The following SLC22A16 variants were observed in gnomAD, a reference collection of about 807,000 sequenced individuals.
SLC22A16 encodes the protein solute carrier family 22 member 16.
A neutral mutation model predicts 52.9 loss-of-function variants in SLC22A16; 53 were observed. That is an observed-to-expected ratio of 1.00 (90% confidence interval 0.80 to 1.26). The LOEUF is 1.26. Ranked by LOEUF, SLC22A16 falls within the 50% of genes most tolerant of loss-of-function variation. The pLI is 0.00. For synonymous variants in SLC22A16, 291 were observed against 268.8 expected (o/e 1.08, Z -0.81); for missense variants, 726 against 704.0 (o/e 1.03, Z -0.35).
intron 1 of SLC22A16, among the ~76,000 whole-genome samples, chr6:110,462,795 G>T (rs1462157266): frequency 1.3e-5 from 2 of 152,022 alleles, no homozygotes; most frequent in African/African-American, 4.8e-5. Flanking sequence ...TACTATAAAA[G>T]ATGAATGTCA....
In SLC22A16 at chr6:110,438,798, C is replaced by T. The variant is rs773355498; in HGVS notation, c.1233G>A (p.Lys411=). 4 of 1,614,164 alleles carry T rather than the reference C, an allele frequency of 2.5e-6. No individual in the cohort carries two copies. The highest frequency in any genetic ancestry group is 8.5e-7 in the Non-Finnish European group (1 of 1,180,020). Residue 411 remains lysine (K), a synonymous_variant, in exon 5 of 8, where the codon AAG becomes AAA. Coordinates refer to ENST00000368919, the MANE Select transcript of SLC22A16 (RefSeq NM_033125.4). The part of the protein sequence containing the change: ...AYTFVCIAMD[K]VGRRTVLAYS... Reference sequence around the variant, plus strand: ...AGGCCAGGACTGTTCTCCTCCCGACCTTGTCCATGGCGATGCACACGAAGG... The same window carrying T: ...AGGCCAGGACTGTTCTCCTCCCGACTTTGTCCATGGCGATGCACACGAAGG...
At position 110,442,454 on chromosome 6, in the gene SLC22A16, G is replaced by T. The variant is rs546437058; in HGVS notation, c.973C>A (p.Leu325Ile). ...NRASSCKLSE[L>I]LSLDLQGPVS... is the part of the protein sequence containing the mutation. ...GGACCTTGTAGGTCCAGTGATAAAAGTTCTGACAGTTTACAGGAGCTTGCC... is the reference window on the plus strand; with the variant it reads ...GGACCTTGTAGGTCCAGTGATAAAATTTCTGACAGTTTACAGGAGCTTGCC... The change falls in exon 4 of 8, where the codon CTT (leucine) becomes ATT (isoleucine). Residue 325 changes from leucine to isoleucine, a missense_variant. Transcript: ENST00000368919. 25 of 1,614,210 alleles carry T rather than the reference G, an allele frequency of 1.5e-5. 1 individual carries two copies. In the African/African-American group the frequency reaches 2.4e-4, roughly 15 times the overall value.
At position 110,442,576 on chromosome 6, in the gene SLC22A16, C is replaced by T. The variant is rs1388417056; in HGVS notation, c.851G>A (p.Cys284Tyr). ...LSTVTVPFIL[C>Y]CWVLPETPFW... ...AGGTGTCTCTGGGAGCACCCAACAG[C>T]ACAGGATAAAGGGGACAGTCACTGT... The change falls in exon 4 of 8, where the codon TGC becomes TAC. Residue 284 changes from cysteine (C) to tyrosine (Y), a missense_variant. Coordinates refer to ENST00000368919, the MANE Select transcript of SLC22A16 (RefSeq NM_033125.4). The T allele has an allele frequency of 6.2e-7, 1 of 1,614,024 alleles. No individual in the cohort carries two copies. Among genetic ancestry groups the T allele is most frequent in the Non-Finnish European group, 8.5e-7 (1 of 1,180,048 alleles).
At chr6:110,427,160 A>C (rs190118427) in intron 7 of SLC22A16, among the ~76,000 whole-genome samples, 174 of 150,486 alleles carry the variant, frequency 1.2e-3, no homozygotes, top group African/African-American at 4.0e-3. Flanking sequence ...AGGTGGGAGA[A>C]TCTCTTGAGC....
chr6:110,466,918 TAG>T lies in SLC22A16; in HGVS notation c.53+9602_53+9603del, dbSNP rs1491208486. Among the ~76,000 whole-genome samples, 5 of 120,248 alleles carry T rather than the reference TAG, an allele frequency of 4.2e-5. No homozygotes were observed. The East Asian group carries it at 1.1e-3, about 27-fold the overall frequency. 78.9% of individuals were successfully genotyped at this position (120,248 alleles called of 152,430 possible). ...AACTGGATAAAGAAAATGTGATAGA[TAG>T]ATAGATAGATAGATAGATAGATAGA... On this transcript the variant is annotated intron_variant, in intron 1 of 7. Transcript: ENST00000368919.
At chr6:110,476,318 T>C in intron 1 of SLC22A16, 1 of 1,373,238 alleles carries the variant, frequency 7.3e-7, no homozygotes. Context: ...CTGCTCACCA[T>C]GCCAGGTCCC....
At chr6:110,431,787 G>A (rs1213968690) in intron 6 of SLC22A16, among the ~76,000 whole-genome samples, 1 of 152,212 alleles carries the variant, frequency 6.6e-6, no homozygotes, top group Non-Finnish European at 1.5e-5. Flanking sequence ...AAACAGTGGT[G>A]TATATAAGCA....
At chr6:110,454,621 A>T (rs1206987346) in intron 2 of SLC22A16, among the ~76,000 whole-genome samples, 6 of 54,732 alleles carry the variant, frequency 1.1e-4, no homozygotes, top group East Asian at 1.3e-3. Flanking sequence ...TTTTATATAT[A>T]ATATATATTT....
intron 1 of SLC22A16, among the ~76,000 whole-genome samples, chr6:110,459,890 A>T (rs2114999987): frequency 6.6e-6 from 1 of 152,354 alleles, no homozygotes; most frequent in African/African-American, 2.4e-5. Flanking sequence ...CCGCATAAGG[A>T]CAATTATGCC....
At chr6:110,469,436 C>G (rs567673488) in intron 1 of SLC22A16, among the ~76,000 whole-genome samples, 1 of 152,292 alleles carries the variant, frequency 6.6e-6, no homozygotes, top group South Asian at 2.1e-4. Flanking sequence ...GTAGTCCCAG[C>G]TACTCAGGAG....
intron 3 of SLC22A16, among the ~76,000 whole-genome samples, chr6:110,444,474 A>G (rs1775092406): frequency 6.6e-6 from 1 of 152,194 alleles, no homozygotes; most frequent in South Asian, 2.1e-4. Context: ...TAATTTCTTC[A>G]AAAGTTAACA....
At chr6:110,425,303 C>T (rs1774213050) in intron 7 of SLC22A16, 1 of 1,485,840 alleles carries the variant, frequency 6.7e-7, no homozygotes, top group Non-Finnish European at 9.0e-7. Context: ...TCATTCATTC[C>T]TTCATGACCC....
chr6:110,453,494 G>A (rs1775462574), intron 2 of SLC22A16: 3 of 391,884 alleles, frequency 7.7e-6, no homozygotes, highest in South Asian at 3.8e-5. Flanking sequence ...AACACAAGAT[G>A]TTTGGGTCAG....
intron 1 of SLC22A16, among the ~76,000 whole-genome samples, chr6:110,458,790 A>G (rs766835112): frequency 4.6e-5 from 7 of 152,292 alleles, no homozygotes; most frequent in Middle Eastern, 3.4e-3. Context: ...GAGCTGGGAC[A>G]TCCATATTCT....
At chr6:110,425,185 G>C (rs1774207325) in intron 7 of SLC22A16, 100 bp from the exon 8 acceptor site, 1 of 1,543,122 alleles carries the variant, frequency 6.5e-7, no homozygotes, top group South Asian at 1.2e-5. Flanking sequence ...TAATGGATTT[G>C]AATTTGACAT....
chr6:110,454,690 TTA>T (rs1216619835), intron 2 of SLC22A16, among the ~76,000 whole-genome samples: 1 of 77,548 alleles, frequency 1.3e-5, no homozygotes, highest in Non-Finnish European at 2.2e-5. Flanking sequence ...ATATTTTATA[TTA>T]TATATATTTT....
intron 3 of SLC22A16, among the ~76,000 whole-genome samples, chr6:110,446,097 G>C (rs984396926): frequency 3.3e-5 from 5 of 152,054 alleles, no homozygotes; most frequent in Non-Finnish European, 5.9e-5. Context: ...CAGACCCTCA[G>C]ACCATCCAAC....
chr6:110,466,140 G>C (rs1337475777), intron 1 of SLC22A16, among the ~76,000 whole-genome samples: 1 of 152,012 alleles, frequency 6.6e-6, no homozygotes, highest in Non-Finnish European at 1.5e-5. Context: ...AATTAACTAA[G>C]GATGAATTAA....
At chr6:110,468,344 G>A (rs1411408262) in intron 1 of SLC22A16, among the ~76,000 whole-genome samples, 1 of 152,110 alleles carries the variant, frequency 6.6e-6, no homozygotes, top group African/African-American at 2.4e-5. Context: ...CCTGCCAGTA[G>A]TAAAATGATC....
Sources: gnomAD v4.1 joint callset for allele counts (sites outside exome capture counted in the v4.1 genomes callset) on GRCh38, gnomAD v4.1.1 for gene constraint, MANE v1.5 for transcripts, NCBI Gene and HGNC (gene_info 2026-07-23, HGNC 2026-07-21) for gene names.